The following RNF13 variants were observed in gnomAD, a reference collection of about 807,000 sequenced individuals.
RNF13 encodes E3 ubiquitin-protein ligase RNF13.
Under a neutral mutation model 37.7 loss-of-function variants are expected in RNF13, and 19 were observed. That is an observed-to-expected ratio of 0.50 (90% CI 0.35 to 0.74). The LOEUF (loss-of-function observed/expected upper bound fraction) is 0.74. Ranked by LOEUF, RNF13 falls within the 30% of genes least tolerant of loss-of-function variation. RNF13 has a pLI of 0.01. For missense variants in RNF13, 375 were observed against 453.0 expected (o/e 0.83, Z 1.56); for synonymous variants, 144 against 157.8 (o/e 0.91, Z 0.65).
chr3:149,960,243 G>C lies in RNF13; in HGVS notation c.781+107G>C, dbSNP rs371779574. On this transcript the variant is annotated intron_variant, in intron 9 of 9. Transcript: ENST00000392894. ...ATAGTTATTAGCACACCAGAAGCCA[G>C]GCCCTGTACTAATTAGTGGTCTCAT... 6.8e-5 allele frequency: 50 copies of C among 740,568 alleles called. 1 individual carries two copies. The East Asian group carries it at 9.6e-4, about 14-fold the overall frequency. The allele number at this position is 740,568 out of a possible 1,614,324, so 45.9% of individuals were successfully genotyped here.
intron 1 of RNF13, among the ~76,000 whole-genome samples, chr3:149,832,608 A>T (rs555274240): frequency 6.6e-5 from 10 of 151,858 alleles, no homozygotes; most frequent in East Asian, 3.9e-4. Flanking sequence ...ATTGGTTTTT[A>T]AAAAAAATCT....
At position 149,961,200 on chromosome 3, in the gene RNF13, C is replaced by CTTATT. The variant is rs1722380160; in HGVS notation, c.*99_*103dup. The CTTATT allele has an allele frequency of 8.8e-7, 1 of 1,141,670 alleles. No homozygotes were observed. Among genetic ancestry groups the CTTATT allele is most frequent in the Non-Finnish European group, 1.2e-6 (1 of 802,060 alleles). 70.7% of individuals were successfully genotyped at this position (1,141,670 alleles called of 1,614,324 possible). ...CCTTCAAAGATTTCTGTAGAAATAA[C>CTTATT]TTATTTTTTAGTATTCTACAGTTTA... On this transcript the variant is annotated 3_prime_UTR_variant, in exon 10 of 10. Coordinates refer to ENST00000392894, the MANE Select transcript of RNF13 (RefSeq NM_183381.3).
rs550874897 is a variant in RNF13 at position 149,938,157 on chromosome 3, A to G, written c.700+16930A>G. Among the ~76,000 whole-genome samples, 30 of 151,358 alleles carry G rather than the reference A, an allele frequency of 2.0e-4. 1 individual carries two copies. Among genetic ancestry groups the G allele is most frequent in the African/African-American group, 6.8e-4 (28 of 41,438 alleles). ...AATATTGTTATATATATAGTTATGT[A>G]TATATATAATTTTTTAAAATTTTTT... On this transcript the variant is annotated intron_variant, in intron 8 of 9. Transcript: ENST00000392894.
chr3:149,886,426 A>G (rs1196677167), intron 4 of RNF13, among the ~76,000 whole-genome samples: 1 of 152,070 alleles, frequency 6.6e-6, no homozygotes, highest in Non-Finnish European at 1.5e-5. Flanking sequence ...GAAACAGTGG[A>G]TTTATGTATA....
intron 1 of RNF13, among the ~76,000 whole-genome samples, chr3:149,832,783 T>G (rs1228395221): frequency 6.6e-6 from 1 of 152,060 alleles, no homozygotes; most frequent in Non-Finnish European, 1.5e-5. Context: ...ATAACCTAGA[T>G]GAAATGGATG....
chr3:149,906,308 A>C, intron 6 of RNF13, among the ~76,000 whole-genome samples: 1 of 152,018 alleles, frequency 6.6e-6, no homozygotes, highest in Non-Finnish European at 1.5e-5. Context: ...TTTGTGTACA[A>C]ATTTTTACAT....
chr3:149,892,355 T>C (rs1038634808), intron 4 of RNF13, among the ~76,000 whole-genome samples: 2 of 152,250 alleles, frequency 1.3e-5, no homozygotes, highest in African/African-American at 4.8e-5. Flanking sequence ...TGGACTGTTA[T>C]AAATCCATTC....
chr3:149,916,010 A>G (rs930556932), intron 7 of RNF13, among the ~76,000 whole-genome samples: 2 of 152,196 alleles, frequency 1.3e-5, no homozygotes, highest in African/African-American at 4.8e-5. Context: ...TGTATATTTT[A>G]CTGTAATTTT....
At chr3:149,885,658 G>C (rs1417821123) in intron 4 of RNF13, among the ~76,000 whole-genome samples, 3 of 152,126 alleles carry the variant, frequency 2.0e-5, no homozygotes, top group Non-Finnish European at 4.4e-5. Flanking sequence ...GTAGTTTGCA[G>C]ATATTTTCTC....
chr3:149,871,035 A>ATT (rs144707628), intron 3 of RNF13, among the ~76,000 whole-genome samples: 47 of 121,260 alleles, frequency 3.9e-4, no homozygotes, highest in South Asian at 1.0e-3. Flanking sequence ...CTGTTACCAG[A>ATT]TTTTTTTTTT....
intron 1 of RNF13, among the ~76,000 whole-genome samples, chr3:149,845,519 G>A (rs1053582141): frequency 1.3e-5 from 2 of 152,086 alleles, no homozygotes; most frequent in Non-Finnish European, 2.9e-5. Context: ...ATTATAAGTG[G>A]CTGTTAATTT....
intron 4 of RNF13, among the ~76,000 whole-genome samples, chr3:149,889,748 G>A (rs143394158): frequency 0.018 from 2,710 of 148,706 alleles, 87 homozygotes; most frequent in African/African-American, 0.063. Flanking sequence ...TCTGACTTCC[G>A]GGTTCAAGCA....
At chr3:149,947,058 T>C (rs1720835084) in intron 8 of RNF13, among the ~76,000 whole-genome samples, 1 of 152,218 alleles carries the variant, frequency 6.6e-6, no homozygotes. Context: ...TCCTATACAT[T>C]TGTGGATTTG....
intron 6 of RNF13, 37 bp from the exon 7 acceptor site, chr3:149,911,941 C>G: frequency 5.7e-6 from 6 of 1,053,820 alleles, no homozygotes; most frequent in Non-Finnish European, 8.8e-6. Context: ...TTTAACAACT[C>G]TTCATTTCTC....
intron 2 of RNF13, among the ~76,000 whole-genome samples, chr3:149,851,892 G>A (rs1723154349): frequency 6.6e-6 from 1 of 152,072 alleles, no homozygotes; most frequent in Non-Finnish European, 1.5e-5. Context: ...TTTTGTTTTG[G>A]TAAAGGACTA....
At chr3:149,955,015 C>T (rs762432405) in intron 8 of RNF13, among the ~76,000 whole-genome samples, 9 of 152,172 alleles carry the variant, frequency 5.9e-5, no homozygotes, top group Admixed American at 4.6e-4. Flanking sequence ...AAGCAGCTCT[C>T]TCTGGGAGCT....
Position 149,950,285 on chromosome 3 carries a change from C to G in RNF13, c.701-9771C>G, listed in dbSNP as rs114881608. On this transcript the variant is annotated intron_variant, in intron 8 of 9. Coordinates refer to ENST00000392894, the MANE Select transcript of RNF13 (RefSeq NM_183381.3). ...TCCAACATTCCTGCCATATCTGAGT[C>G]TGTTTGTGATGCCTGCTCTGTCTCT... Among the ~76,000 whole-genome samples, 1,355 of 151,716 alleles carry G rather than the reference C, an allele frequency of 8.9e-3. 19 individuals carry two copies. Among genetic ancestry groups the G allele is most frequent in the African/African-American group, 0.031 (1,288 of 41,342 alleles).
chr3:149,942,029 G>A (rs1223848053), intron 8 of RNF13, among the ~76,000 whole-genome samples: 6 of 151,698 alleles, frequency 4.0e-5, no homozygotes, highest in African/African-American at 1.2e-4. Flanking sequence ...TATATACAAG[G>A]GTTTATTCCT....
intron 8 of RNF13, among the ~76,000 whole-genome samples, chr3:149,945,532 A>C (rs1284994992): frequency 6.6e-6 from 1 of 152,190 alleles, no homozygotes; most frequent in Non-Finnish European, 1.5e-5. Flanking sequence ...ATCTCTGCAG[A>C]CTTAAATGTC....
Sources: allele counts gnomAD v4.1 joint callset (sites outside exome capture counted in the v4.1 genomes callset), GRCh38; gene constraint gnomAD v4.1.1; transcripts MANE v1.5; gene names NCBI Gene and HGNC (gene_info 2026-07-23, HGNC 2026-07-21).